Variants in ANAPC7 observed in about 807,000 individuals in gnomAD.
ANAPC7 encodes anaphase-promoting complex subunit 7.
In ANAPC7, 25 loss-of-function variants were observed where a neutral mutation model predicts 63.3. The ratio of observed to expected loss-of-function variants is 0.39; its 90% CI spans 0.29 to 0.55. The LOEUF (loss-of-function observed/expected upper bound fraction) is 0.55. Among genes scored for constraint, ANAPC7 ranks in the 20% least tolerant of loss-of-function variants. The pLI is 0.57. For missense variants in ANAPC7, 516 were observed against 691.7 expected, an observed-to-expected ratio of 0.75 and a Z score of 2.85; for synonymous variants, 241 against 251.7, an observed-to-expected ratio of 0.96 and a Z score of 0.40.
At chr12:110,391,313 T>G (rs1281215461) in intron 3 of ANAPC7, among the ~76,000 whole-genome samples, 1 of 152,156 alleles carries the variant, frequency 6.6e-6, no homozygotes, top group Non-Finnish European at 1.5e-5. Context: ...GAGTAAGAAA[T>G]TCTATGTTGG....
chr12:110,391,130 C>T lies in ANAPC7; in HGVS notation c.409-2507G>A, dbSNP rs544252256. On this transcript the variant is annotated intron_variant, in intron 3 of 10. Coordinates refer to ENST00000455511, the MANE Select transcript of ANAPC7 (RefSeq NM_016238.3). Reference sequence around the variant, plus strand: ...GCTTGAACCCAGGAGGTGGAGGTTGCAGTGAGCTGAGATCATGCCATTGCA... The same window carrying T: ...GCTTGAACCCAGGAGGTGGAGGTTGTAGTGAGCTGAGATCATGCCATTGCA... Among the ~76,000 whole-genome samples the T allele has an allele frequency of 9.1e-4, 138 of 152,208 alleles. 1 individual carries two copies. The highest frequency in any genetic ancestry group is 3.3e-3 in the African/African-American group (137 of 41,528).
chr12:110,387,420 AGAGAGAGAGAGACC>A lies in ANAPC7; in HGVS notation c.674+305_674+318del, dbSNP rs1361312043. 6.2e-3 allele frequency: 952 copies of A among 152,748 alleles called. 12 individuals carry two copies. The highest frequency in any genetic ancestry group is 7.5e-3 in the Middle Eastern group (3 of 398). 9.5% of individuals were successfully genotyped at this position (152,748 alleles called of 1,614,324 possible). On this transcript the variant is annotated intron_variant, in intron 5 of 10. Coordinates refer to ENST00000455511, the MANE Select transcript of ANAPC7 (RefSeq NM_016238.3). ...GAGAGAGAGAGAGAGAGAGAGAGAG[AGAGAGAGAGAGACC>A]GACCTTGTCTCAAAAAAAAAAAAAA... is the stretch of plus-strand genomic sequence containing the variant.
intron 1 of ANAPC7, 125 bp from the exon 2 acceptor site, chr12:110,396,577 C>A: frequency 1.5e-6 from 1 of 674,942 alleles, no homozygotes; most frequent in Non-Finnish European, 2.3e-6. Context: ...GTGGCACGAT[C>A]TCGGCTCACT....
chr12:110,387,999 C>G, intron 4 of ANAPC7, 107 bp from the exon 5 acceptor site: 1 of 1,179,422 alleles, frequency 8.5e-7, no homozygotes, highest in Non-Finnish European at 1.2e-6. Context: ...AACTGCTTCC[C>G]TATTCTGAGC....
intron 1 of ANAPC7, among the ~76,000 whole-genome samples, chr12:110,398,479 A>T (rs1403301941): frequency 6.6e-6 from 1 of 152,066 alleles, no homozygotes; most frequent in Non-Finnish European, 1.5e-5. Flanking sequence ...AGTCTCAGGG[A>T]TTTCAGGACA....
At position 110,386,318 on chromosome 12, in the gene ANAPC7, ATTAC is replaced by A. The variant is rs773175187; in HGVS notation, c.817+5_817+8del. 1.2e-6 allele frequency: 2 copies of A among 1,613,750 alleles called. No individual in the cohort carries two copies. The highest frequency in any genetic ancestry group is 1.7e-6 in the Non-Finnish European group (2 of 1,179,950). ...CAGCCACTGTCTTCCTGCCCCAAGA[ATTAC>A]TTACCTTTTATCAGATAAGGATCCA... On this transcript the variant is annotated splice_donor_5th_base_variant and intron_variant, in intron 6 of 10. Transcript: ENST00000455511.
intron 3 of ANAPC7, among the ~76,000 whole-genome samples, chr12:110,394,782 G>A (rs1322349138): frequency 2.0e-5 from 3 of 151,694 alleles, no homozygotes; most frequent in African/African-American, 4.8e-5. Context: ...GGAGGTTGAA[G>A]CTGCAGTGAG....
chr12:110,386,309 G>A lies in ANAPC7; in HGVS notation c.817+18C>T, dbSNP rs1049767704. On this transcript the variant is annotated intron_variant, in intron 6 of 10. Transcript: ENST00000455511. Reference sequence around the variant, plus strand: ...CCCCAACAACAGCCACTGTCTTCCTGCCCCAAGAATTACTTACCTTTTATC... The same window carrying A: ...CCCCAACAACAGCCACTGTCTTCCTACCCCAAGAATTACTTACCTTTTATC... 5 of 1,613,218 alleles carry A rather than the reference G, an allele frequency of 3.1e-6. No homozygotes were observed. The African/African-American group carries it at 4.0e-5, about 13-fold the overall frequency.
At chr12:110,392,529 T>G (rs959518204) in intron 3 of ANAPC7, among the ~76,000 whole-genome samples, 5 of 152,190 alleles carry the variant, frequency 3.3e-5, no homozygotes, top group African/African-American at 1.2e-4. Flanking sequence ...AATTCCTTAT[T>G]GTTAAGCACA....
intron 4 of ANAPC7, 83 bp from the exon 5 acceptor site, chr12:110,387,975 C>T (rs1882763656): frequency 2.0e-6 from 3 of 1,492,070 alleles, no homozygotes; most frequent in Middle Eastern, 1.8e-4. Context: ...TACATCTTCC[C>T]TTGGCTAAAA....
In ANAPC7 at chr12:110,389,081, TA is replaced by T. The variant is rs778746037; in HGVS notation, c.409-459del. On this transcript the variant is annotated intron_variant, in intron 3 of 10. Transcript: ENST00000455511. ...TGGGCTACAGAGTGAGACTCCATCT[TA>T]AAAAAAAAAAAAAAAAAAAAGAAAA... Among the ~76,000 whole-genome samples the T allele has an allele frequency of 1.9e-3, 188 of 98,324 alleles. 1 individual carries two copies. The highest frequency in any genetic ancestry group is 5.8e-3 in the Middle Eastern group (1 of 172). The allele number at this position is 98,324 out of a possible 152,430, so 64.5% of individuals were successfully genotyped here. A position where few individuals can be genotyped will look rare whatever the true frequency, so the allele number is the denominator to read the frequency against.
chr12:110,401,950 CAAAAAA>C (rs747810973), intron 1 of ANAPC7, among the ~76,000 whole-genome samples: 8 of 46,128 alleles, frequency 1.7e-4, no homozygotes, highest in South Asian at 2.1e-3. Flanking sequence ...GACTCCGTCT[CAAAAAA>C]AAAAAAAAAA....
At chr12:110,375,023 C>T (rs947327807) in intron 10 of ANAPC7, among the ~76,000 whole-genome samples, 2 of 152,138 alleles carry the variant, frequency 1.3e-5, no homozygotes, top group Non-Finnish European at 2.9e-5. Flanking sequence ...AGGCGTCCCA[C>T]GCCTAGCAAA....
intron 6 of ANAPC7, among the ~76,000 whole-genome samples, chr12:110,383,934 G>A (rs1882204354): frequency 1.3e-5 from 2 of 151,388 alleles, no homozygotes; most frequent in Admixed American, 6.6e-5. Context: ...CAGGCGCGGT[G>A]GCTCATGCCT....
At chr12:110,403,463 G>A (rs2062262888) in intron 1 of ANAPC7, 64 bp downstream of exon 1, 3 of 1,519,876 alleles carry the variant, frequency 2.0e-6, no homozygotes, top group Admixed American at 2.0e-5. Context: ...CGTGCCCTGA[G>A]CCCCCGCTCC....
intron 8 of ANAPC7, among the ~76,000 whole-genome samples, chr12:110,379,695 A>T (rs1881635694): frequency 6.6e-6 from 1 of 152,132 alleles, no homozygotes; most frequent in South Asian, 2.1e-4. Context: ...CCAACATCCA[A>T]ATTTTATTTC....
At chr12:110,394,669 CA>C (rs779142936) in intron 3 of ANAPC7, among the ~76,000 whole-genome samples, 879 of 42,728 alleles carry the variant, frequency 0.021, 17 homozygotes, top group African/African-American at 0.083. Context: ...AATTCCACCT[CA>C]AAAAAAAAAA....
Position 110,395,117 on chromosome 12 carries a change from C to G in ANAPC7, c.392G>C (p.Arg131Thr). 4 of 1,613,722 alleles carry G rather than the reference C, an allele frequency of 2.5e-6. No homozygotes were observed. The highest frequency in any genetic ancestry group is 3.4e-6 in the Non-Finnish European group (4 of 1,179,874). The change falls in exon 3 of 11, where the codon AGA (arginine) becomes ACA (threonine). Residue 131 changes from arginine (R) to threonine (T), a missense_variant. By Grantham distance (71) the Arg-to-Thr change is moderately conservative (BLOSUM62 -1). Coordinates refer to ENST00000455511, the MANE Select transcript of ANAPC7 (RefSeq NM_016238.3). ...AIAILDGIPS[R>T]QRTPKINMML... Reference sequence around the variant, plus strand: ...TCAACTTACTTTGGGAGTTCTTTGTCTTGAAGGGATCCCATCAAGTATAGC... The same window carrying G: ...TCAACTTACTTTGGGAGTTCTTTGTGTTGAAGGGATCCCATCAAGTATAGC...
At chr12:110,400,340 G>A (rs577285756) in intron 1 of ANAPC7, among the ~76,000 whole-genome samples, 83 of 152,300 alleles carry the variant, frequency 5.4e-4, no homozygotes, top group African/African-American at 1.9e-3. Flanking sequence ...AAATGTTGGG[G>A]TGAGGTTCAA....
Sources: gnomAD v4.1 joint callset for allele counts (sites outside exome capture counted in the v4.1 genomes callset) on GRCh38, gnomAD v4.1.1 for gene constraint, MANE v1.5 for transcripts, NCBI Gene and HGNC (gene_info 2026-07-23, HGNC 2026-07-21) for gene names.